Variants in DCHS2 observed in about 807,000 individuals in gnomAD.
The protein encoded by DCHS2 is protocadherin-23.
A neutral mutation model predicts 182.4 loss-of-function variants in DCHS2; 142 were observed. That is an observed-to-expected ratio of 0.78 (90% CI 0.68 to 0.89). The LOEUF (loss-of-function observed/expected upper bound fraction) is 0.89, where lower values mean the gene tolerates loss of function less well. DCHS2 is among the 40% of genes least tolerant of loss of function. The pLI is 0.00. For missense variants in DCHS2, 4,319 were observed against 4,198.6 expected (o/e 1.03, Z -0.79); for synonymous variants, 1,740 against 1,663.3 (o/e 1.05, Z -1.12).
chr4:154,471,887 T>C (rs1243490013), intron 1 of DCHS2, among the ~76,000 whole-genome samples: 1 of 152,032 alleles, frequency 6.6e-6, no homozygotes, highest in African/African-American at 2.4e-5. Flanking sequence ...AGGTGATGCA[T>C]AGTTAGGTCG....
At chr4:154,310,277 G>A (rs72723321) in intron 10 of DCHS2, among the ~76,000 whole-genome samples, 105 of 152,294 alleles carry the variant, frequency 6.9e-4, no homozygotes, top group South Asian at 3.7e-3. Flanking sequence ...CATTGGTTTA[G>A]GCTGGATTTA....
At chr4:154,319,396 T>A (rs1384573315) in intron 9 of DCHS2, among the ~76,000 whole-genome samples, 1 of 151,618 alleles carries the variant, frequency 6.6e-6, no homozygotes, top group Non-Finnish European at 1.5e-5. Context: ...AGGCAACCTA[T>A]AGAATGGGAG....
intron 3 of DCHS2, among the ~76,000 whole-genome samples, chr4:154,363,894 G>A (rs2110764099): frequency 6.6e-6 from 1 of 152,236 alleles, no homozygotes; most frequent in East Asian, 1.9e-4. Flanking sequence ...GCAGCTGCCT[G>A]TTCACCGGAC....
chr4:154,466,317 ATAGCAAAGGTGG>A, intron 1 of DCHS2, among the ~76,000 whole-genome samples: 1 of 152,206 alleles, frequency 6.6e-6, no homozygotes, highest in Non-Finnish European at 1.5e-5. Context: ...TTCATTACTC[ATAGCAAAGGTGG>A]TAGCCGCATA....
chr4:154,439,415 G>A (rs1434378596), intron 1 of DCHS2, among the ~76,000 whole-genome samples: 1 of 116,506 alleles, frequency 8.6e-6, no homozygotes, highest in Non-Finnish European at 2.0e-5. Context: ...TTAATTTTTG[G>A]CAATTTGCCA....
intron 16 of DCHS2, among the ~76,000 whole-genome samples, chr4:154,249,327 A>G (rs897674857): frequency 2.0e-5 from 3 of 152,092 alleles, no homozygotes; most frequent in Admixed American, 6.6e-5. Flanking sequence ...ACAAACATAT[A>G]AAAAAATGCT....
intron 3 of DCHS2, among the ~76,000 whole-genome samples, chr4:154,355,257 T>G (rs981539046): frequency 6.6e-6 from 1 of 151,354 alleles, no homozygotes; most frequent in Non-Finnish European, 1.5e-5. Flanking sequence ...AAGAAGGCAA[T>G]GAAAGCAACC....
intron 1 of DCHS2, among the ~76,000 whole-genome samples, chr4:154,483,816 C>A (rs557226461): frequency 3.3e-5 from 5 of 152,232 alleles, no homozygotes; most frequent in African/African-American, 1.2e-4. Context: ...TCATATGAGT[C>A]GCAAGACCCT....
chr4:154,443,352 G>A (rs1178661942), intron 1 of DCHS2, among the ~76,000 whole-genome samples: 2 of 152,162 alleles, frequency 1.3e-5, no homozygotes, highest in Non-Finnish European at 2.9e-5. Flanking sequence ...CAAGGCTGTG[G>A]TAAAATAAAT....
At chr4:154,410,903 G>T (rs888439768) in intron 1 of DCHS2, among the ~76,000 whole-genome samples, 1 of 152,134 alleles carries the variant, frequency 6.6e-6, no homozygotes, top group Non-Finnish European at 1.5e-5. Context: ...ACATATATAG[G>T]AATCCCCACT....
chr4:154,326,356 T>A (rs193174796), intron 7 of DCHS2, among the ~76,000 whole-genome samples: 1 of 152,352 alleles, frequency 6.6e-6, no homozygotes, highest in East Asian at 1.9e-4. Flanking sequence ...TTGTATTGGT[T>A]ACTGGACTAT....
intron 3 of DCHS2, among the ~76,000 whole-genome samples, chr4:154,346,630 C>A (rs903610089): frequency 2.6e-5 from 4 of 151,918 alleles, no homozygotes; most frequent in Non-Finnish European, 4.4e-5. Flanking sequence ...AGTAACTGTT[C>A]ATGCTTAAAG....
intron 3 of DCHS2, among the ~76,000 whole-genome samples, chr4:154,363,375 T>C (rs1412322144): frequency 6.6e-6 from 1 of 152,208 alleles, no homozygotes; most frequent in African/African-American, 2.4e-5. Flanking sequence ...TAGAGTACTA[T>C]TAAGCCTTAA....
At chr4:154,443,887 T>G (rs534891662) in intron 1 of DCHS2, among the ~76,000 whole-genome samples, 22 of 152,346 alleles carry the variant, frequency 1.4e-4, no homozygotes, top group African/African-American at 5.1e-4. Flanking sequence ...AGATCACCAA[T>G]GAGCTGCTCA....
chr4:154,264,743 C>T (rs1424640086), intron 14 of DCHS2, among the ~76,000 whole-genome samples: 1 of 151,942 alleles, frequency 6.6e-6, no homozygotes, highest in Non-Finnish European at 1.5e-5. Context: ...TCTGAGAGAG[C>T]TTACTATACA....
At chr4:154,279,354 T>A (rs141924866) in intron 13 of DCHS2, among the ~76,000 whole-genome samples, 1 of 152,158 alleles carries the variant, frequency 6.6e-6, no homozygotes, top group East Asian at 1.9e-4. Context: ...TGCTGTCTAT[T>A]AGAGACTCAC....
chr4:154,315,683 A>T (rs1272170630), intron 10 of DCHS2, 65 bp downstream of exon 10: 33 of 1,565,710 alleles, frequency 2.1e-5, no homozygotes, highest in Non-Finnish European at 2.8e-5. Flanking sequence ...ATTATAAATT[A>T]CGTCAATTAT....
rs990488874 is a variant in DCHS2, at chr4:154,282,812, C to G, written c.6464-12799G>C. Among the ~76,000 whole-genome samples the G allele has an allele frequency of 4.6e-5, 7 of 152,034 alleles. No homozygotes were observed. In the East Asian group the frequency reaches 1.4e-3, roughly 29 times the overall value. ...TCAATGAATGAATGGATAGCCAAAACGTAGTATATACATTCAATGAAATAT... is the reference window on the plus strand; with the variant it reads ...TCAATGAATGAATGGATAGCCAAAAGGTAGTATATACATTCAATGAAATAT... On this transcript the variant is annotated intron_variant, in intron 13 of 19. Coordinates refer to ENST00000357232, the MANE Select transcript of DCHS2 (RefSeq NM_001358235.2).
intron 1 of DCHS2, among the ~76,000 whole-genome samples, chr4:154,429,433 G>A (rs1733469688): frequency 6.6e-6 from 1 of 152,104 alleles, no homozygotes; most frequent in South Asian, 2.1e-4. Flanking sequence ...CTCATTCTTG[G>A]CAGATAGACT....
Sources: gnomAD v4.1 joint callset for allele counts (sites outside exome capture counted in the v4.1 genomes callset) on GRCh38, gnomAD v4.1.1 for gene constraint, MANE v1.5 for transcripts, NCBI Gene and HGNC (gene_info 2026-07-23, HGNC 2026-07-21) for gene names.